Variants in TMLHE observed in about 807,000 individuals in gnomAD.
The protein encoded by TMLHE is trimethyllysine dioxygenase, mitochondrial.
Under a neutral mutation model 25.7 loss-of-function variants are expected in TMLHE, and 18 were observed. That is an observed-to-expected ratio of 0.70 (90% confidence interval 0.48 to 1.04). The LOEUF (loss-of-function observed/expected upper bound fraction) is 1.04. Ranked by LOEUF, TMLHE falls within the 50% of genes least tolerant of loss-of-function variation. TMLHE has a pLI of 0.00. For missense variants in TMLHE, 236 were observed against 259.0 expected (o/e 0.91, Z 0.61); for synonymous variants, 105 against 97.0 (o/e 1.08, Z -0.49).
At chrX:155,575,868 A>G (rs1449282775) in intron 1 of TMLHE, among the ~76,000 whole-genome samples, 1 of 112,191 alleles carries the variant, frequency 8.9e-6, no homozygotes, top group African/African-American at 3.2e-5. Flanking sequence ...ACAGCCATCT[A>G]TAACAAACCC....
chrX:155,548,661 G>T (rs1020678905), intron 1 of TMLHE, among the ~76,000 whole-genome samples: 2 of 108,818 alleles, frequency 1.8e-5, no homozygotes, highest in African/African-American at 3.4e-5. Context: ...CTTGAACCCA[G>T]GAGGCAAAGG....
rs868908387 is a variant in TMLHE at position 155,603,365 on chromosome X, A to T, written c.-2+9427T>A. Among the ~76,000 whole-genome samples, 14 of 45,992 alleles carry T rather than the reference A, an allele frequency of 3.0e-4. No homozygotes were observed. In the East Asian group the frequency reaches 8.3e-3, roughly 27 times the overall value. 39.9% of individuals were successfully genotyped at this position (45,992 alleles called of 115,157 possible). A position where few individuals can be genotyped will look rare whatever the true frequency, so the allele number is the denominator to read the frequency against. Reference sequence around the variant, plus strand: ...GAAAAGAAAGAAGAAAAGAAAAGAAAGAATGAAAGAAAGAAAGAAAGAAAG... The same window carrying T: ...GAAAAGAAAGAAGAAAAGAAAAGAATGAATGAAAGAAAGAAAGAAAGAAAG... On this transcript the variant is annotated intron_variant, in intron 1 of 7. Coordinates refer to ENST00000334398, the MANE Select transcript of TMLHE (RefSeq NM_018196.4).
At chrX:155,515,387 G>T (rs1201175982) in intron 3 of TMLHE, among the ~76,000 whole-genome samples, 1 of 109,566 alleles carries the variant, frequency 9.1e-6, no homozygotes, top group African/African-American at 3.3e-5. Context: ...CTGTTATTCT[G>T]GGTATGTACA....
chrX:155,556,327 C>T (rs150039862), intron 1 of TMLHE, among the ~76,000 whole-genome samples: 2,873 of 86,182 alleles, frequency 0.033, 105 homozygotes, highest in Admixed American at 0.17. Context: ...GGACTTCTGT[C>T]CTATTATCGG....
chrX:155,548,535 G>GAGATTGAGA (rs1491301815), intron 1 of TMLHE, among the ~76,000 whole-genome samples: 1 of 109,143 alleles, frequency 9.2e-6, no homozygotes, highest in Admixed American at 9.6e-5. Flanking sequence ...GCAGTATGAG[G>GAGATTGAGA]CCAGCCTGAC....
chrX:155,607,539 C>G (rs192732958), intron 1 of TMLHE, among the ~76,000 whole-genome samples: 412 of 110,687 alleles, frequency 3.7e-3, no homozygotes, highest in African/African-American at 0.013. Flanking sequence ...TCTCAACATA[C>G]TACTGGAAGT....
At chrX:155,580,681 A>G (rs2067620717) in intron 1 of TMLHE, among the ~76,000 whole-genome samples, 2 of 111,857 alleles carry the variant, frequency 1.8e-5, no homozygotes, top group South Asian at 7.5e-4. Flanking sequence ...GGTGAAAGAC[A>G]CATCTCATGT....
Position 155,571,971 on chromosome X carries a change from T to G in TMLHE, c.-1-26694A>C, listed in dbSNP as rs1249903411. On this transcript the variant is annotated intron_variant, in intron 1 of 7. Coordinates refer to ENST00000334398, the MANE Select transcript of TMLHE (RefSeq NM_018196.4). ...ACCACTCCTATTCAACATAGTGTTG[T>G]AAGTTCTGGCCAGGGCAATTAAGCA... 1.8e-3 allele frequency among the ~76,000 whole-genome samples: 98 copies of G among 54,419 alleles called. 7 individuals are homozygous for G. The highest frequency in any genetic ancestry group is 4.2e-3 in the African/African-American group (93 of 22,386). 47.3% of individuals were successfully genotyped at this position (54,419 alleles called of 115,157 possible). A position where few individuals can be genotyped will look rare whatever the true frequency, so the allele number is the denominator to read the frequency against.
intron 1 of TMLHE, among the ~76,000 whole-genome samples, chrX:155,608,808 C>T (rs190318637): frequency 1.8e-5 from 2 of 112,085 alleles, no homozygotes; most frequent in East Asian, 5.6e-4. Context: ...AAAAAATGCT[C>T]AACATCACTA....
intron 2 of TMLHE, among the ~76,000 whole-genome samples, chrX:155,528,458 T>C (rs1282487933): frequency 2.7e-5 from 3 of 110,572 alleles, no homozygotes; most frequent in African/African-American, 9.9e-5. Flanking sequence ...GAAACTGATA[T>C]GTAGTTTTTT....
At chrX:155,511,519 T>C (rs149562870) in intron 5 of TMLHE, among the ~76,000 whole-genome samples, 154 bp downstream of exon 5, 118 of 110,910 alleles carry the variant, frequency 1.1e-3, no homozygotes, top group African/African-American at 3.7e-3. Context: ...AGTTAAGGTA[T>C]TTCAAAATGA....
chrX:155,529,791 T>G (rs2067239502), intron 2 of TMLHE, among the ~76,000 whole-genome samples: 1 of 112,298 alleles, frequency 8.9e-6, no homozygotes, highest in Non-Finnish European at 1.9e-5. Flanking sequence ...TTTCCTAATC[T>G]CTAGGATATC....
intron 2 of TMLHE, among the ~76,000 whole-genome samples, chrX:155,533,867 C>A (rs1426637732): frequency 9.0e-6 from 1 of 111,283 alleles, no homozygotes. Flanking sequence ...CAGTAAAATG[C>A]GAGAAGAGAT....
At chrX:155,574,446 G>C (rs1404208610) in intron 1 of TMLHE, among the ~76,000 whole-genome samples, 2 of 112,043 alleles carry the variant, frequency 1.8e-5, no homozygotes, top group Non-Finnish European at 3.8e-5. Context: ...TAGAAACTTA[G>C]CCTTACTGGT....
At chrX:155,526,986 G>A (rs980329308) in intron 2 of TMLHE, among the ~76,000 whole-genome samples, 2 of 112,530 alleles carry the variant, frequency 1.8e-5, no homozygotes, top group Admixed American at 1.9e-4. Flanking sequence ...GAAGAGACTT[G>A]CCTTGTCTCA....
At chrX:155,593,840 G>GA (rs200543071) in intron 1 of TMLHE, among the ~76,000 whole-genome samples, 81 of 100,860 alleles carry the variant, frequency 8.0e-4, no homozygotes, top group Middle Eastern at 5.1e-3. Flanking sequence ...ATAAATCCAA[G>GA]AAAAAAAAAA....
At chrX:155,544,936 A>G (rs782385129) in intron 2 of TMLHE, among the ~76,000 whole-genome samples, 160 bp downstream of exon 2, 6 of 112,546 alleles carry the variant, frequency 5.3e-5, no homozygotes, top group Non-Finnish European at 9.4e-5. Flanking sequence ...TCATTGCATA[A>G]CAATGTGAAT....
rs782700710 is a variant in TMLHE at position 155,548,518 on chromosome X, A to C, written c.-1-3241T>G. Among the ~76,000 whole-genome samples, 4 of 109,842 alleles carry C rather than the reference A, an allele frequency of 3.6e-5. No homozygotes were observed. In the Admixed American group the frequency reaches 3.8e-4, roughly 10 times the overall value. On this transcript the variant is annotated intron_variant, in intron 1 of 7. Coordinates refer to ENST00000334398, the MANE Select transcript of TMLHE (RefSeq NM_018196.4). ...TGGGAGGTCAAGGCGGGCGGATCACAAGGTCAGCAGTATGAGGCCAGCCTG... is the reference window on the plus strand; with the variant it reads ...TGGGAGGTCAAGGCGGGCGGATCACCAGGTCAGCAGTATGAGGCCAGCCTG...
intron 1 of TMLHE, among the ~76,000 whole-genome samples, chrX:155,597,005 T>C (rs1358999465): frequency 1.9e-5 from 2 of 105,504 alleles, no homozygotes; most frequent in Non-Finnish European, 3.9e-5. Flanking sequence ...GTTAGGTATA[T>C]CTCCTAATGC....
Sources: gnomAD v4.1 joint callset for allele counts (sites outside exome capture counted in the v4.1 genomes callset) on GRCh38, gnomAD v4.1.1 for gene constraint, MANE v1.5 for transcripts, NCBI Gene and HGNC (gene_info 2026-07-23, HGNC 2026-07-21) for gene names.